Variants in PLEKHB1 observed in about 807,000 individuals in gnomAD.
PLEKHB1 encodes the protein pleckstrin homology domain containing B1, also known as pleckstrin homology domain-containing family B member 1.
Under a neutral mutation model 36.2 loss-of-function variants are expected in PLEKHB1, and 29 were observed. That is an observed-to-expected ratio of 0.80 (90% CI 0.60 to 1.09). The LOEUF (loss-of-function observed/expected upper bound fraction) is 1.09, where lower values mean the gene tolerates loss of function less well. Among genes scored for constraint, PLEKHB1 ranks in the 50% least tolerant of loss-of-function variants. The pLI, the probability that PLEKHB1 is intolerant of heterozygous loss-of-function variation, is 0.00. For missense variants in PLEKHB1, 330 were observed against 348.2 expected (o/e 0.95, Z 0.42); for synonymous variants, 138 against 140.0 (o/e 0.99, Z 0.10).
chr11:73,656,746 G>T (rs907047611), intron 6 of PLEKHB1, among the ~76,000 whole-genome samples: 2 of 152,178 alleles, frequency 1.3e-5, no homozygotes, highest in Non-Finnish European at 2.9e-5. Flanking sequence ...GCTCAGTGTG[G>T]CTATGTATCA....
intron 1 of PLEKHB1, 41 bp from the exon 2 acceptor site, chr11:73,648,971 G>A: frequency 5.1e-6 from 8 of 1,561,412 alleles, no homozygotes; most frequent in Non-Finnish European, 6.9e-6. Context: ...TCTCCAGGGA[G>A]CTGCTGCTGA....
chr11:73,660,816 A>G lies in PLEKHB1; in HGVS notation c.559A>G (p.Thr187Ala). 3 of 1,601,690 alleles carry G rather than the reference A, an allele frequency of 1.9e-6. No homozygotes were observed. The highest frequency in any genetic ancestry group is 2.6e-6 in the Non-Finnish European group (3 of 1,175,284). ...GGTGCCCCCCAATGCACACGAGGCCACGTATGTCCGCAGCTACTACGGACC... is the reference window on the plus strand; with the variant it reads ...GGTGCCCCCCAATGCACACGAGGCCGCGTATGTCCGCAGCTACTACGGACC... Reference protein sequence around the residue: ...EVVPPNAHEATYVRSYYGPPY... With the variant: ...EVVPPNAHEAAYVRSYYGPPY... Residue 187 changes from threonine (T) to alanine (A), a missense_variant, in exon 7 of 8, where the codon ACG (threonine) becomes GCG (alanine). Coordinates refer to ENST00000354190, the MANE Select transcript of PLEKHB1 (RefSeq NM_021200.3).
chr11:73,653,139 C>CAGGCATCAGAGTT, intron 5 of PLEKHB1, 125 bp downstream of exon 5: 1 of 982,240 alleles, frequency 1.0e-6, no homozygotes, highest in Non-Finnish European at 1.5e-6. Flanking sequence ...TCTGCAAACT[C>CAGGCATCAGAGTT]TGATGCCTGA....
chr11:73,650,611 G>A lies in PLEKHB1; in HGVS notation c.153G>A (p.Leu51=), dbSNP rs1473307919. Residue 51 remains leucine, a synonymous_variant, in exon 3 of 8, where the codon CTG becomes CTA. Transcript: ENST00000354190. ...TTGCCCTGTGGCTGGACGGGACCCT[G>A]GGATACTACCACGATGAGACAGCGC... ...NWFALWLDGT[L]GYYHDETAQD... 2 of 1,613,266 alleles carry A rather than the reference G, an allele frequency of 1.2e-6. No individual in the cohort carries two copies. Among genetic ancestry groups the A allele is most frequent in the South Asian group, 2.2e-5 (2 of 90,866 alleles).
chr11:73,658,338 G>A (rs1005524870), intron 6 of PLEKHB1, among the ~76,000 whole-genome samples: 2 of 152,222 alleles, frequency 1.3e-5, no homozygotes, highest in African/African-American at 4.8e-5. Flanking sequence ...TGAAAGAGAT[G>A]TCATGACATG....
chr11:73,655,893 G>A lies in PLEKHB1; in HGVS notation c.481G>A (p.Glu161Lys), dbSNP rs1202682848. ...VTRSWSPCKV[E>K]RRIWVRVYSP... is the part of the protein sequence containing the mutation. ...CCGCTCGTGGAGCCCCTGTAAGGTT[G>A]AGAGGCGGATCTGGGTAAGTGCTGG... Residue 161 changes from glutamate to lysine, a missense_variant, in exon 6 of 8, where the codon GAG becomes AAG. By Grantham distance (56) the Glu-to-Lys change is moderately conservative. Transcript: ENST00000354190. 6.2e-6 allele frequency: 10 copies of A among 1,613,660 alleles called. No individual in the cohort carries two copies. In the African/African-American group the frequency reaches 1.2e-4, roughly 19 times the overall value.
intron 1 of PLEKHB1, 97 bp downstream of exon 1, chr11:73,646,723 A>G: frequency 7.6e-7 from 1 of 1,315,834 alleles, no homozygotes. Flanking sequence ...AGGCCCTGAC[A>G]TCCTCTGGTC....
intron 5 of PLEKHB1, among the ~76,000 whole-genome samples, chr11:73,654,756 G>A (rs913145578): frequency 6.6e-6 from 1 of 152,222 alleles, no homozygotes. Context: ...AGTCTGCCTG[G>A]CTGGAGAGCA....
chr11:73,655,857 A>C lies in PLEKHB1; in HGVS notation c.445A>C (p.Arg149=), dbSNP rs1266451334. Residue 149 remains arginine (R), a synonymous_variant, in exon 6 of 8, where the codon AGG becomes CGG. Transcript: ENST00000354190. The part of the protein sequence containing the change: ...PRSRRVCSKV[R]CVTRSWSPCK... ...GAGCCGCCGGGTTTGCTCCAAGGTC[A>C]GGTGTGTGACCCGCTCGTGGAGCCC... The C allele has an allele frequency of 2.5e-6, 4 of 1,613,670 alleles. No individual in the cohort carries two copies. In the African/African-American group the frequency reaches 5.3e-5, roughly 22 times the overall value.
intron 5 of PLEKHB1, among the ~76,000 whole-genome samples, chr11:73,655,511 C>T (rs997941955): frequency 3.9e-5 from 6 of 152,178 alleles, no homozygotes; most frequent in Non-Finnish European, 8.8e-5. Flanking sequence ...AGGGAGTCGC[C>T]CTGTCCTCCC....
chr11:73,655,765 C>T (rs1240925812), intron 5 of PLEKHB1, 38 bp from the exon 6 acceptor site: 1 of 1,585,044 alleles, frequency 6.3e-7, no homozygotes, highest in Non-Finnish European at 8.7e-7. Context: ...ACACCCCCTC[C>T]CTCCCTCCTC....
chr11:73,656,424 A>T (rs1944995356), intron 6 of PLEKHB1, among the ~76,000 whole-genome samples: 1 of 152,254 alleles, frequency 6.6e-6, no homozygotes, highest in African/African-American at 2.4e-5. Flanking sequence ...ATGCTCAATT[A>T]GTGCTCGATG....
At chr11:73,653,578 G>A (rs995265718) in intron 5 of PLEKHB1, 8 of 412,712 alleles carry the variant, frequency 1.9e-5, no homozygotes, top group Admixed American at 1.3e-4. Context: ...ACAGAGATTT[G>A]CAGTGTCTGG....
At chr11:73,653,835 G>A (rs1331267146) in intron 5 of PLEKHB1, among the ~76,000 whole-genome samples, 1 of 152,124 alleles carries the variant, frequency 6.6e-6, no homozygotes, top group Admixed American at 6.5e-5. Flanking sequence ...GCACGACCAG[G>A]TCTTGTGGGC....
intron 1 of PLEKHB1, 63 bp downstream of exon 1, chr11:73,646,689 T>C (rs1042676274): frequency 1.6e-5 from 25 of 1,523,964 alleles, no homozygotes; most frequent in South Asian, 1.6e-4. Context: ...CCTTGCCACA[T>C]AGGGGACGGG....
intron 6 of PLEKHB1, among the ~76,000 whole-genome samples, chr11:73,659,959 T>C (rs551298231): frequency 1.4e-4 from 22 of 152,344 alleles, no homozygotes; most frequent in Non-Finnish European, 2.9e-4. Context: ...GGACCACATA[T>C]ACAAAGGTGG....
intron 1 of PLEKHB1, chr11:73,647,684 G>A (rs1258370027): frequency 4.1e-6 from 4 of 985,540 alleles, no homozygotes; most frequent in Non-Finnish European, 4.8e-6. Flanking sequence ...TTGGGTGGCA[G>A]CAGCATCGAG....
In PLEKHB1 at chr11:73,648,542, C is replaced by T. The variant is rs777400387; in HGVS notation, c.19-470C>T. Reference sequence around the variant, plus strand: ...AGGGAGCTTTTCCCTCATCCATTGCCGTGATTCTAATATTCTGCACTTCCA... The same window carrying T: ...AGGGAGCTTTTCCCTCATCCATTGCTGTGATTCTAATATTCTGCACTTCCA... On this transcript the variant is annotated intron_variant, in intron 1 of 7. Transcript: ENST00000354190. 7.0e-4 allele frequency: 596 copies of T among 856,182 alleles called. 3 individuals are homozygous for T. Among genetic ancestry groups the T allele is most frequent in the Middle Eastern group, 4.9e-3 (8 of 1,648 alleles). The allele number at this position is 856,182 out of a possible 1,614,324, so 53.0% of individuals were successfully genotyped here.
intron 5 of PLEKHB1, chr11:73,653,523 G>A (rs1735461162): frequency 8.9e-6 from 4 of 450,472 alleles, no homozygotes; most frequent in Non-Finnish European, 1.8e-5. Flanking sequence ...GCCAGACATG[G>A]AACAACTAAT....
Sources: gnomAD v4.1 joint callset for allele counts (sites outside exome capture counted in the v4.1 genomes callset) on GRCh38, gnomAD v4.1.1 for gene constraint, MANE v1.5 for transcripts, NCBI Gene and HGNC (gene_info 2026-07-23, HGNC 2026-07-21) for gene names.